Variants in LIPA observed in about 807,000 individuals in gnomAD.
The protein encoded by LIPA is lipase A, lysosomal acid type.
Under a neutral mutation model 40.6 loss-of-function variants are expected in LIPA, and 26 were observed. That is an observed-to-expected ratio of 0.64 (90% CI 0.47 to 0.89). LIPA has a LOEUF of 0.89. LIPA is among the 40% of genes least tolerant of loss of function. LIPA has a pLI of 0.00. For synonymous variants in LIPA, 188 were observed against 168.4 expected (o/e 1.12, Z -0.90); for missense variants, 455 against 479.6 (o/e 0.95, Z 0.48).
chr10:89,408,228 A>C (rs572947132), intron 2 of LIPA, among the ~76,000 whole-genome samples: 37 of 152,286 alleles, frequency 2.4e-4, no homozygotes, highest in South Asian at 2.1e-3. Context: ...GCCTGGCCCC[A>C]ATATTCTCTC....
At chr10:89,339,752 A>G (rs751456333) in intron 1 of LIPA, 4 of 1,614,202 alleles carry the variant, frequency 2.5e-6, no homozygotes, top group African/African-American at 1.3e-5. Context: ...CGCTACTGCA[A>G]CCTTCAGAAA....
upstream of LIPA, among the ~76,000 whole-genome samples, chr10:89,343,801 T>C (rs1843893075): frequency 6.6e-6 from 1 of 152,180 alleles, no homozygotes; most frequent in African/African-American, 2.4e-5. Context: ...GACAGTGATA[T>C]GAGGAGCTAC....
At chr10:89,401,482 G>T (rs1468989302) in intron 2 of LIPA, among the ~76,000 whole-genome samples, 6 of 152,110 alleles carry the variant, frequency 3.9e-5, no homozygotes, top group African/African-American at 1.4e-4. Flanking sequence ...GGTTACCAAG[G>T]GTTAGGGGAG....
chr10:89,367,646 C>T (rs1036431319), intron 2 of LIPA, among the ~76,000 whole-genome samples: 1 of 152,186 alleles, frequency 6.6e-6, no homozygotes, highest in Non-Finnish European at 1.5e-5. Flanking sequence ...CTTTGTGCTC[C>T]TTCACACCTT....
chr10:89,354,869 G>T (rs1179577971), intron 2 of LIPA, among the ~76,000 whole-genome samples: 1 of 152,118 alleles, frequency 6.6e-6, no homozygotes, highest in Non-Finnish European at 1.5e-5. Flanking sequence ...CCCGGTGTAT[G>T]TTAGAAGGTT....
chr10:89,328,319 TG>T (rs940017627), intron 1 of LIPA, among the ~76,000 whole-genome samples: 6 of 151,830 alleles, frequency 4.0e-5, no homozygotes, highest in Non-Finnish European at 8.8e-5. Context: ...GGAGGCAGGG[TG>T]GGGAATGCAT....
chr10:89,263,854 G>A (rs928796458), intron 1 of LIPA, among the ~76,000 whole-genome samples: 11 of 152,270 alleles, frequency 7.2e-5, no homozygotes, highest in Non-Finnish European at 1.3e-4. Context: ...TCCAGCCACT[G>A]TGGAGAGTCA....
chr10:89,263,730 G>A (rs1390571360), intron 1 of LIPA, among the ~76,000 whole-genome samples: 1 of 152,220 alleles, frequency 6.6e-6, no homozygotes, highest in Non-Finnish European at 1.5e-5. Context: ...GGCTTGTTTT[G>A]CCCACTTGGC....
At chr10:89,392,602 A>G in intron 2 of LIPA, 1 of 1,206,496 alleles carries the variant, frequency 8.3e-7, no homozygotes, top group South Asian at 1.2e-5. Context: ...CTTATATAAC[A>G]CTGTCTTGGG....
intron 2 of LIPA, 132 bp from the exon 3 acceptor site, chr10:89,245,925 G>A (rs375555522): frequency 1.3e-5 from 9 of 714,546 alleles, no homozygotes; most frequent in African/African-American, 8.7e-5. Context: ...ATTTTAGTCT[G>A]CTAAATCTAG....
At chr10:89,392,498 T>G in intron 2 of LIPA, 1 of 136,938 alleles carries the variant, frequency 7.3e-6, no homozygotes. Flanking sequence ...GGAATTCCGC[T>G]AGCTTTAGTT....
At chr10:89,215,315 A>G (rs1842610710) in intron 9 of LIPA, among the ~76,000 whole-genome samples, 2 of 152,212 alleles carry the variant, frequency 1.3e-5, no homozygotes, top group African/African-American at 4.8e-5. Context: ...ACCAAAATGA[A>G]TGTTTAATCC....
chr10:89,264,721 C>A (rs1843226337), intron 1 of LIPA, among the ~76,000 whole-genome samples: 1 of 152,222 alleles, frequency 6.6e-6, no homozygotes, highest in Non-Finnish European at 1.5e-5. Flanking sequence ...CTGATTGGTC[C>A]ATGGGCGGCC....
intron 2 of LIPA, among the ~76,000 whole-genome samples, chr10:89,381,163 G>A (rs569325054): frequency 9.8e-5 from 15 of 152,308 alleles, no homozygotes; most frequent in South Asian, 6.2e-4. Context: ...AGAAAGCTTG[G>A]AATGGCTTAT....
intron 1 of LIPA, among the ~76,000 whole-genome samples, chr10:89,267,662 T>C (rs933152281): frequency 9.6e-5 from 14 of 145,846 alleles, no homozygotes; most frequent in Non-Finnish European, 1.8e-4. Flanking sequence ...CGCACCAGCA[T>C]GGCACATGTA....
In LIPA at chr10:89,330,024, A is replaced by G. The variant is rs1252347272; in HGVS notation, c.-2+12587T>C. 2.0e-5 allele frequency among the ~76,000 whole-genome samples: 3 copies of G among 152,160 alleles called. No individual in the cohort carries two copies. The East Asian group carries it at 5.8e-4, about 29-fold the overall frequency. On this transcript the variant is annotated intron_variant, in intron 1 of 5. Transcript: ENST00000282673. The stretch of plus-strand genomic sequence containing the variant: ...GAGCCAGGATGAGCCAGGAGAAGGA[A>G]TTTCACAAGATAATGTCATCGGTTA...
At chr10:89,261,990 A>C (rs1843212237) in intron 1 of LIPA, among the ~76,000 whole-genome samples, 1 of 152,152 alleles carries the variant, frequency 6.6e-6, no homozygotes, top group Non-Finnish European at 1.5e-5. Context: ...AAGTCCAGCC[A>C]TGGGAAGGGG....
rs147169603 is a variant in LIPA, at chr10:89,402,565, C to T, written c.61+10226G>A. 32 of 1,613,978 alleles carry T rather than the reference C, an allele frequency of 2.0e-5. No individual in the cohort carries two copies. In the African/African-American group the frequency reaches 3.7e-4, roughly 19 times the overall value. On this transcript the variant is annotated intron_variant, in intron 2 of 8. Coordinates refer to the LIPA transcript ENST00000371837. Reference sequence around the variant, plus strand: ...CAAGCAAATGTGAGGAGTCTGGTGACCTGGGGCAACTTTGCCTGGATGTAT... The same window carrying T: ...CAAGCAAATGTGAGGAGTCTGGTGATCTGGGGCAACTTTGCCTGGATGTAT...
chr10:89,392,987 G>T (rs1003194984), intron 2 of LIPA: 1 of 710,450 alleles, frequency 1.4e-6, no homozygotes, highest in Non-Finnish European at 2.2e-6. Flanking sequence ...TGGGAAAAGA[G>T]TTTTGCAGGA....
Sources: allele counts gnomAD v4.1 joint callset (sites outside exome capture counted in the v4.1 genomes callset), GRCh38; gene constraint gnomAD v4.1.1; transcripts MANE v1.5; gene names NCBI Gene and HGNC (gene_info 2026-07-23, HGNC 2026-07-21).